OTOGL: variants seen among roughly 807,000 people sequenced by gnomAD.
The protein encoded by OTOGL is otogelin like.
In OTOGL, 285 loss-of-function variants were observed where a neutral mutation model predicts 318.5. The ratio of observed to expected loss-of-function variants is 0.89; its 90% CI spans 0.81 to 0.99. OTOGL has a LOEUF of 0.99. OTOGL is among the 50% of genes least tolerant of loss of function. The pLI, the probability that OTOGL is intolerant of heterozygous loss-of-function variation, is 0.00. For synonymous variants in OTOGL, 987 were observed against 936.5 expected, an observed-to-expected ratio of 1.05 and a Z score of -0.99; for missense variants, 2,899 against 2,845.6, an observed-to-expected ratio of 1.02 and a Z score of -0.43.
intron 52 of OTOGL, 126 bp from the exon 53 acceptor site, chr12:80,366,448 T>C: frequency 2.3e-6 from 1 of 444,164 alleles, no homozygotes; most frequent in Non-Finnish European, 4.3e-6. Flanking sequence ...ACTTATTAGA[T>C]GTTATCACTG....
chr12:80,378,231 A>T lies in OTOGL; in HGVS notation c.*183A>T, dbSNP rs2138132820. 1 of 516,926 alleles carries T rather than the reference A, an allele frequency of 1.9e-6. No homozygotes were observed. Among genetic ancestry groups the T allele is most frequent in the Non-Finnish European group, 3.4e-6 (1 of 295,892 alleles). The allele number at this position is 516,926 out of a possible 1,614,324, so 32.0% of individuals were successfully genotyped here. ...CAGTTTCAATAGCAAAATTAAATTTATTGCTTTACTCTATTTTAGAAAATC... is the reference window on the plus strand; with the variant it reads ...CAGTTTCAATAGCAAAATTAAATTTTTTGCTTTACTCTATTTTAGAAAATC... On this transcript the variant is annotated 3_prime_UTR_variant, in exon 59 of 59. Transcript: ENST00000547103.
At chr12:80,238,486 G>A (rs575665151) in intron 9 of OTOGL, among the ~76,000 whole-genome samples, 37 of 152,076 alleles carry the variant, frequency 2.4e-4, no homozygotes, top group South Asian at 8.3e-4. Context: ...TACACTAAAC[G>A]TTTATATTTT....
intron 1 of OTOGL, among the ~76,000 whole-genome samples, chr12:80,152,661 A>G (rs1013210410): frequency 6.6e-6 from 1 of 152,020 alleles, no homozygotes; most frequent in African/African-American, 2.4e-5. Flanking sequence ...CAAAAATCCA[A>G]CCTTTGTCAT....
chr12:80,353,778 T>G (rs778920099), intron 46 of OTOGL, among the ~76,000 whole-genome samples: 3 of 152,206 alleles, frequency 2.0e-5, no homozygotes, highest in Non-Finnish European at 4.4e-5. Flanking sequence ...GTGTGGATTA[T>G]GGACTGAACT....
rs777755084 is a variant in OTOGL, at chr12:80,229,450, A to G, written c.611+72A>G. On this transcript the variant is annotated intron_variant, in intron 8 of 58. Coordinates refer to ENST00000547103, the MANE Select transcript of OTOGL (RefSeq NM_001378609.3). ...AGAATTTCCAAACATCACATGCTGG[A>G]AGTGAACTGTGGAGAGTAGGAAGAG... The G allele has an allele frequency of 4.0e-6, 6 of 1,492,624 alleles. No individual in the cohort carries two copies. In the South Asian group the frequency reaches 7.0e-5, roughly 17 times the overall value. The allele number at this position is 1,492,624 out of a possible 1,614,324, so 92.5% of individuals were successfully genotyped here. A position where few individuals can be genotyped will look rare whatever the true frequency, so the allele number is the denominator to read the frequency against.
chr12:80,111,635 G>C (rs922274284), intron 1 of OTOGL, among the ~76,000 whole-genome samples: 4 of 152,178 alleles, frequency 2.6e-5, no homozygotes, highest in African/African-American at 9.7e-5. Flanking sequence ...GTACTATGCT[G>C]TTTTGGTTAC....
At chr12:80,106,232 A>T (rs982655629) in intron 1 of OTOGL, among the ~76,000 whole-genome samples, 1 of 152,196 alleles carries the variant, frequency 6.6e-6, no homozygotes, top group Non-Finnish European at 1.5e-5. Context: ...TAGCAGATTT[A>T]TCTTCTCTTG....
intron 18 of OTOGL, among the ~76,000 whole-genome samples, chr12:80,260,864 G>A (rs532714990): frequency 6.6e-6 from 1 of 152,206 alleles, no homozygotes; most frequent in Middle Eastern, 3.4e-3. Flanking sequence ...GAAGAGAGAA[G>A]GAAGGGGAAA....
At chr12:80,237,636 C>A (rs1295629124) in intron 9 of OTOGL, among the ~76,000 whole-genome samples, 1 of 152,032 alleles carries the variant, frequency 6.6e-6, no homozygotes, top group African/African-American at 2.4e-5. Flanking sequence ...ATATGAGGGG[C>A]AGAGCGGGTT....
At chr12:80,307,928 C>G (rs946966675) in intron 29 of OTOGL, among the ~76,000 whole-genome samples, 2 of 134,562 alleles carry the variant, frequency 1.5e-5, no homozygotes, top group East Asian at 2.1e-4. Flanking sequence ...GGCTGACCCC[C>G]CCACCTCCCT....
chr12:80,372,314 G>T (rs1890925769), intron 57 of OTOGL, among the ~76,000 whole-genome samples: 1 of 152,022 alleles, frequency 6.6e-6, no homozygotes, highest in African/African-American at 2.4e-5. Flanking sequence ...GGAGTGTAAA[G>T]AAAGTGTTTG....
chr12:80,234,030 TCTTTCCTCTC>T (rs943416956), intron 9 of OTOGL, among the ~76,000 whole-genome samples: 8 of 152,196 alleles, frequency 5.3e-5, no homozygotes, highest in African/African-American at 1.4e-4. Context: ...AGTAGTCTTT[TCTTTCCTCTC>T]CTTTCCTCTC....
intron 1 of OTOGL, among the ~76,000 whole-genome samples, chr12:80,183,853 A>G (rs549227760): frequency 6.6e-6 from 1 of 152,318 alleles, no homozygotes; most frequent in Non-Finnish European, 1.5e-5. Flanking sequence ...TGTTTCTCAA[A>G]TTGTAGTCAT....
chr12:80,368,487 T>G (rs571440046), intron 55 of OTOGL, among the ~76,000 whole-genome samples, 178 bp downstream of exon 55: 4 of 151,886 alleles, frequency 2.6e-5, no homozygotes, highest in African/African-American at 7.2e-5. Flanking sequence ...TAATTTATGT[T>G]GTAAAGAAAA....
At chr12:80,202,688 G>A (rs1876543661) in intron 1 of OTOGL, among the ~76,000 whole-genome samples, 1 of 151,964 alleles carries the variant, frequency 6.6e-6, no homozygotes, top group Admixed American at 6.6e-5. Flanking sequence ...GGGAACCTTG[G>A]ATTAGTAGAC....
chr12:80,224,978 C>A (rs1420730352), intron 7 of OTOGL, among the ~76,000 whole-genome samples: 1 of 151,876 alleles, frequency 6.6e-6, no homozygotes, highest in Non-Finnish European at 1.5e-5. Context: ...TGTAACATTG[C>A]ATGCCTATAT....
At chr12:80,136,262 A>C (rs1023475083) in intron 1 of OTOGL, among the ~76,000 whole-genome samples, 1 of 152,004 alleles carries the variant, frequency 6.6e-6, no homozygotes, top group African/African-American at 2.4e-5. Flanking sequence ...ACTCTTCTCA[A>C]GTTCTCTAGT....
rs368712763 is a variant in OTOGL, at chr12:80,356,919, G to A, written c.6019+5G>A. 134 of 1,514,416 alleles carry A rather than the reference G, an allele frequency of 8.8e-5. No individual in the cohort carries two copies. The African/African-American group carries it at 1.6e-3, about 18-fold the overall frequency. The allele number at this position is 1,514,416 out of a possible 1,614,324, so 93.8% of individuals were successfully genotyped here. On this transcript the variant is annotated splice_donor_5th_base_variant and intron_variant, in intron 49 of 58. Coordinates refer to ENST00000547103, the MANE Select transcript of OTOGL (RefSeq NM_001378609.3). ...GTTGTTTTTCCCCTTTTTGTGGTGA[G>A]TATTGTAGAGATAATTTCTTGGAAG...
At chr12:80,212,184 A>T (rs1309193356) in intron 4 of OTOGL, among the ~76,000 whole-genome samples, 187 bp downstream of exon 4, 2 of 152,224 alleles carry the variant, frequency 1.3e-5, no homozygotes, top group Non-Finnish European at 1.5e-5. Flanking sequence ...TGCTTAGGTC[A>T]CATCGACTTG....
Sources: gnomAD v4.1 joint callset for allele counts (sites outside exome capture counted in the v4.1 genomes callset) on GRCh38, gnomAD v4.1.1 for gene constraint, MANE v1.5 for transcripts, NCBI Gene and HGNC (gene_info 2026-07-23, HGNC 2026-07-21) for gene names.